The following TMEM232 variants were observed in gnomAD, a reference collection of about 807,000 sequenced individuals.
The protein encoded by TMEM232 is transmembrane protein 232.
A neutral mutation model predicts 78.8 loss-of-function variants in TMEM232; 80 were observed. That is an observed-to-expected ratio of 1.01 (90% CI 0.85 to 1.22). The LOEUF (loss-of-function observed/expected upper bound fraction) is 1.22. TMEM232 is among the 50% of genes most tolerant of loss of function. TMEM232 has a pLI of 0.00. For synonymous variants in TMEM232, 297 were observed against 254.3 expected (o/e 1.17, Z -1.60); for missense variants, 881 against 742.2 (o/e 1.19, Z -2.17).
chr5:110,552,156 T>G (rs926423682), intron 11 of TMEM232, among the ~76,000 whole-genome samples: 2 of 152,138 alleles, frequency 1.3e-5, no homozygotes, highest in Non-Finnish European at 1.5e-5. Flanking sequence ...ACAATAAATG[T>G]TCTAAAGTTC....
chr5:110,598,018 C>A (rs1460406026), intron 10 of TMEM232, among the ~76,000 whole-genome samples: 1 of 152,106 alleles, frequency 6.6e-6, no homozygotes, highest in Non-Finnish European at 1.5e-5. Flanking sequence ...CAAATGGGAT[C>A]TAATTAAACT....
At chr5:110,508,212 C>T (rs1211733945) in intron 12 of TMEM232, among the ~76,000 whole-genome samples, 2 of 152,008 alleles carry the variant, frequency 1.3e-5, no homozygotes, top group African/African-American at 4.8e-5. Flanking sequence ...CATATCACTT[C>T]AGATATGATG....
chr5:110,518,760 A>G (rs915542227), intron 12 of TMEM232, among the ~76,000 whole-genome samples: 3 of 150,226 alleles, frequency 2.0e-5, no homozygotes, highest in East Asian at 1.9e-4. Flanking sequence ...AGCAACACTC[A>G]TATGATTTTG....
intron 2 of TMEM232, among the ~76,000 whole-genome samples, chr5:110,410,612 A>G (rs1054048392): frequency 2.0e-5 from 3 of 152,234 alleles, no homozygotes; most frequent in East Asian, 1.9e-4. Flanking sequence ...TATATTTAAT[A>G]GTTCTCATAT....
intron 2 of TMEM232, among the ~76,000 whole-genome samples, chr5:110,645,490 A>G (rs1219718865): frequency 1.3e-5 from 2 of 151,562 alleles, no homozygotes; most frequent in Non-Finnish European, 3.0e-5. Flanking sequence ...AACAGAGAAA[A>G]AAACATTTGC....
intron 10 of TMEM232, among the ~76,000 whole-genome samples, chr5:110,570,916 AC>A (rs1308191106): frequency 1.3e-5 from 2 of 151,554 alleles, no homozygotes; most frequent in East Asian, 3.9e-4. Context: ...CTTTAATCCC[AC>A]CCCCTCTTGC....
At chr5:110,530,707 T>TACC (rs1181472452) in intron 11 of TMEM232, among the ~76,000 whole-genome samples, 1 of 152,168 alleles carries the variant, frequency 6.6e-6, no homozygotes, top group Non-Finnish European at 1.5e-5. Flanking sequence ...GGATGGTGTT[T>TACC]ACCAGGGGCT....
At chr5:110,441,263 A>G (rs928000696) in intron 12 of TMEM232, among the ~76,000 whole-genome samples, 23 of 152,254 alleles carry the variant, frequency 1.5e-4, no homozygotes, top group African/African-American at 5.3e-4. Context: ...TACTATGATA[A>G]TCGAAGATTT....
At chr5:110,715,100 C>T (rs1329905756) in intron 1 of TMEM232, among the ~76,000 whole-genome samples, 1 of 151,876 alleles carries the variant, frequency 6.6e-6, no homozygotes, top group Non-Finnish European at 1.5e-5. Flanking sequence ...TAACTTTATC[C>T]AATAAACAAT....
intron 11 of TMEM232, among the ~76,000 whole-genome samples, chr5:110,534,351 A>G (rs1358619462): frequency 6.6e-6 from 1 of 152,246 alleles, no homozygotes; most frequent in East Asian, 1.9e-4. Flanking sequence ...ACAGACTAAT[A>G]GTCTTTCAAA....
chr5:110,585,117 C>A (rs1384171338), intron 10 of TMEM232, among the ~76,000 whole-genome samples: 1 of 152,092 alleles, frequency 6.6e-6, no homozygotes, highest in Non-Finnish European at 1.5e-5. Context: ...GCTCCTTCTT[C>A]TTAAGTAGGT....
At chr5:110,468,889 A>G (rs1387786730) in intron 12 of TMEM232, among the ~76,000 whole-genome samples, 1 of 152,214 alleles carries the variant, frequency 6.6e-6, no homozygotes, top group Non-Finnish European at 1.5e-5. Context: ...ATGTCAAAGG[A>G]GTACCAGAAA....
chr5:110,627,617 G>C (rs1159151317), intron 6 of TMEM232, among the ~76,000 whole-genome samples, 164 bp downstream of exon 6: 1 of 152,058 alleles, frequency 6.6e-6, no homozygotes, highest in East Asian at 1.9e-4. Flanking sequence ...GAGGGGCAGT[G>C]AGCTGAACAA....
intron 2 of TMEM232, among the ~76,000 whole-genome samples, chr5:110,653,509 G>C (rs1788614600): frequency 6.6e-6 from 1 of 152,208 alleles, no homozygotes; most frequent in Non-Finnish European, 1.5e-5. Flanking sequence ...CGAAAGGACA[G>C]AATAGCAGTT....
chr5:110,389,253 TC>T (rs1462584093), intron 4 of TMEM232, among the ~76,000 whole-genome samples: 1 of 120,834 alleles, frequency 8.3e-6, no homozygotes, highest in East Asian at 2.8e-4. Context: ...AGAGTAAGAT[TC>T]CATCTCAAAC....
intron 11 of TMEM232, among the ~76,000 whole-genome samples, chr5:110,564,792 GA>G (rs1776143966): frequency 1.3e-5 from 2 of 151,944 alleles, no homozygotes; most frequent in Admixed American, 1.3e-4. Flanking sequence ...GACCTGTAGA[GA>G]TCAGGGTGGC....
At chr5:110,726,981 C>G (rs981257136), upstream of TMEM232, among the ~76,000 whole-genome samples, 1 of 152,130 alleles carries the variant, frequency 6.6e-6, no homozygotes, top group African/African-American at 2.4e-5. Context: ...CAAACCAGCA[C>G]GCCTATCATA....
chr5:110,735,361 G>A (rs988957874), intron 1 of TMEM232, among the ~76,000 whole-genome samples: 2 of 152,142 alleles, frequency 1.3e-5, no homozygotes, highest in Admixed American at 6.5e-5. Context: ...TATTAAGCCC[G>A]TTGGGGGGTG....
At chr5:110,600,550 C>G (rs1321171434) in intron 10 of TMEM232, among the ~76,000 whole-genome samples, 1 of 152,116 alleles carries the variant, frequency 6.6e-6, no homozygotes, top group Non-Finnish European at 1.5e-5. Flanking sequence ...TGCAAATAAA[C>G]TAGAAAACCT....
Sources: allele counts gnomAD v4.1 joint callset (sites outside exome capture counted in the v4.1 genomes callset), GRCh38; gene constraint gnomAD v4.1.1; transcripts MANE v1.5; gene names NCBI Gene and HGNC (gene_info 2026-07-23, HGNC 2026-07-21).